Variants in NLGN1 observed in about 807,000 individuals in gnomAD.
The protein encoded by NLGN1 is neuroligin-1.
In NLGN1, 12 loss-of-function variants were observed where a neutral mutation model predicts 65.5. The ratio of observed to expected loss-of-function variants is 0.18; its 90% CI spans 0.12 to 0.30. The LOEUF (loss-of-function observed/expected upper bound fraction) is 0.30, where lower values mean the gene tolerates loss of function less well. Ranked by LOEUF, NLGN1 falls within the 10% of genes least tolerant of loss-of-function variation. NLGN1 has a pLI of 1.00. For missense variants in NLGN1, 750 were observed against 1,007.1 expected (o/e 0.74, Z 3.46); for synonymous variants, 350 against 359.5 (o/e 0.97, Z 0.30).
At chr3:173,413,278 C>G (rs1712977201) in intron 1 of NLGN1, among the ~76,000 whole-genome samples, 1 of 152,048 alleles carries the variant, frequency 6.6e-6, no homozygotes, top group Admixed American at 6.6e-5. Context: ...ATCTATCCAT[C>G]CATCTACCTA....
chr3:174,247,675 A>C (rs1469126401), intron 4 of NLGN1, among the ~76,000 whole-genome samples: 2 of 152,090 alleles, frequency 1.3e-5, no homozygotes, highest in Non-Finnish European at 2.9e-5. Flanking sequence ...TCATCAAGCA[A>C]CCCAGCCTAG....
At chr3:174,239,157 C>T (rs1742329457) in intron 4 of NLGN1, among the ~76,000 whole-genome samples, 1 of 152,036 alleles carries the variant, frequency 6.6e-6, no homozygotes, top group East Asian at 1.9e-4. Flanking sequence ...CAACCTCCGC[C>T]TCCCGGGTTC....
intron 2 of NLGN1, among the ~76,000 whole-genome samples, chr3:173,511,199 C>A (rs1396460797): frequency 2.0e-5 from 3 of 152,138 alleles, no homozygotes; most frequent in African/African-American, 7.2e-5. Context: ...CTGAAACTTG[C>A]AAACGACAAG....
chr3:173,628,251 C>A (rs1017940113), intron 3 of NLGN1, among the ~76,000 whole-genome samples: 2 of 152,100 alleles, frequency 1.3e-5, no homozygotes, highest in African/African-American at 2.4e-5. Flanking sequence ...ATGAGAATGT[C>A]ATTTGATATC....
intron 4 of NLGN1, among the ~76,000 whole-genome samples, chr3:174,084,550 T>C (rs1002552428): frequency 1.3e-5 from 2 of 152,208 alleles, no homozygotes; most frequent in Non-Finnish European, 2.9e-5. Context: ...CAGAATATAA[T>C]AGAAACCAGA....
At chr3:173,512,440 C>T (rs1233744082) in intron 2 of NLGN1, among the ~76,000 whole-genome samples, 9 of 152,214 alleles carry the variant, frequency 5.9e-5, no homozygotes, top group East Asian at 1.9e-4. Context: ...CACCTCTCTC[C>T]GATGTCCAGC....
At chr3:174,204,342 C>CA (rs1421309141) in intron 4 of NLGN1, among the ~76,000 whole-genome samples, 3 of 152,126 alleles carry the variant, frequency 2.0e-5, no homozygotes, top group Non-Finnish European at 2.9e-5. Context: ...CTTTGCATAT[C>CA]AAAAAAATTT....
chr3:173,795,963 C>T (rs991457922), intron 3 of NLGN1, among the ~76,000 whole-genome samples: 2 of 152,110 alleles, frequency 1.3e-5, no homozygotes, highest in Non-Finnish European at 2.9e-5. Flanking sequence ...GGCTTTCCAT[C>T]TATCATGGTG....
At chr3:174,012,172 G>A (rs938507698) in intron 4 of NLGN1, among the ~76,000 whole-genome samples, 2 of 152,042 alleles carry the variant, frequency 1.3e-5, no homozygotes, top group African/African-American at 4.8e-5. Context: ...TACTTGGAAT[G>A]GCCCTGCACA....
chr3:173,756,324 C>T (rs1438433152), intron 3 of NLGN1, among the ~76,000 whole-genome samples: 2 of 151,640 alleles, frequency 1.3e-5, no homozygotes, highest in African/African-American at 4.8e-5. Context: ...TTTTTCTCTT[C>T]AAATACATAT....
intron 4 of NLGN1, among the ~76,000 whole-genome samples, chr3:174,191,960 ACTT>A (rs1487984376): frequency 6.6e-6 from 1 of 152,156 alleles, no homozygotes. Flanking sequence ...AGTCCATTTG[ACTT>A]CTTATCTATT....
chr3:173,770,921 A>G (rs1779485312), intron 3 of NLGN1, among the ~76,000 whole-genome samples: 3 of 152,196 alleles, frequency 2.0e-5, no homozygotes, highest in South Asian at 2.1e-4. Context: ...CATACTGCCA[A>G]TAACATAGCC....
intron 3 of NLGN1, among the ~76,000 whole-genome samples, chr3:173,677,722 T>C (rs1482145159): frequency 1.3e-5 from 2 of 152,092 alleles, no homozygotes; most frequent in East Asian, 3.9e-4. Context: ...AGAACTACCA[T>C]AAATAAACTG....
intron 2 of NLGN1, among the ~76,000 whole-genome samples, chr3:173,581,503 T>G (rs1746393197): frequency 6.6e-6 from 1 of 152,058 alleles, no homozygotes; most frequent in African/African-American, 2.4e-5. Context: ...TGTTACTATT[T>G]GTGAGATCAA....
At chr3:173,824,534 C>T (rs1469193446) in intron 4 of NLGN1, among the ~76,000 whole-genome samples, 1 of 152,100 alleles carries the variant, frequency 6.6e-6, no homozygotes, top group Non-Finnish European at 1.5e-5. Context: ...TGCTAGACAT[C>T]TCCCTGCCCT....
At chr3:173,689,788 C>T (rs16829583) in intron 3 of NLGN1, among the ~76,000 whole-genome samples, 2,205 of 152,136 alleles carry the variant, frequency 0.014, 68 homozygotes, top group African/African-American at 0.051. Context: ...AAATCCTGTT[C>T]TCAAAAATGC....
At chr3:173,834,164 A>G (rs1207714532) in intron 4 of NLGN1, among the ~76,000 whole-genome samples, 1 of 152,150 alleles carries the variant, frequency 6.6e-6, no homozygotes, top group Non-Finnish European at 1.5e-5. Flanking sequence ...TTTTCATATT[A>G]CACATTCATA....
intron 4 of NLGN1, among the ~76,000 whole-genome samples, chr3:174,146,292 C>G (rs147991444): frequency 7.2e-5 from 11 of 152,150 alleles, no homozygotes; most frequent in African/African-American, 2.6e-4. Flanking sequence ...CAATTGTTGT[C>G]TATCAAATAT....
At chr3:174,291,171 TA>T (rs1405090318), downstream of NLGN1, among the ~76,000 whole-genome samples, 2 of 147,278 alleles carry the variant, frequency 1.4e-5, no homozygotes, top group Non-Finnish European at 3.0e-5. Context: ...AAAGAAGGAA[TA>T]GGGGATGTGA....
Sources: gnomAD v4.1 joint callset for allele counts (sites outside exome capture counted in the v4.1 genomes callset) on GRCh38, gnomAD v4.1.1 for gene constraint, MANE v1.5 for transcripts, NCBI Gene and HGNC (gene_info 2026-07-23, HGNC 2026-07-21) for gene names.